Variants in UBE2H observed in about 807,000 individuals in gnomAD.
UBE2H encodes the protein ubiquitin-conjugating enzyme E2 H.
UBE2H carries 3 observed loss-of-function variants against 29.0 expected under a neutral mutation model. The ratio of observed to expected loss-of-function variants is 0.10; its 90% CI spans 0.05 to 0.27. The LOEUF is 0.27. UBE2H is among the 10% of genes least tolerant of loss of function. The pLI is 1.00. For missense variants in UBE2H, 68 were observed against 228.2 expected (o/e 0.30, Z 4.52); for synonymous variants, 69 against 82.9 (o/e 0.83, Z 0.91).
chr7:129,890,512 C>T (rs2727506), intron 1 of UBE2H, among the ~76,000 whole-genome samples: 146,294 of 152,080 alleles, frequency 0.96, 70,533 homozygotes, highest in East Asian at 1. Flanking sequence ...CCCAAGCAGC[C>T]GGGATTACAG....
At chr7:129,914,657 T>C (rs1584783248) in intron 1 of UBE2H, among the ~76,000 whole-genome samples, 1 of 152,234 alleles carries the variant, frequency 6.6e-6, no homozygotes, top group South Asian at 2.1e-4. Context: ...ACAAGGCTTA[T>C]GACAGTAAAT....
intron 1 of UBE2H, among the ~76,000 whole-genome samples, chr7:129,930,779 G>T (rs1040821208): frequency 1.3e-5 from 2 of 151,520 alleles, no homozygotes; most frequent in East Asian, 3.9e-4. Flanking sequence ...ATGGTGGTAC[G>T]CGCCTGTAGT....
chr7:129,913,121 G>A (rs1304186600), intron 1 of UBE2H, among the ~76,000 whole-genome samples: 3 of 151,828 alleles, frequency 2.0e-5, no homozygotes, highest in Admixed American at 1.3e-4. Context: ...GCACGGTGGC[G>A]GGTGCCTGTA....
intron 1 of UBE2H, among the ~76,000 whole-genome samples, chr7:129,905,089 CTGGTTTT>C (rs1806789536): frequency 6.6e-6 from 1 of 152,056 alleles, no homozygotes; most frequent in Admixed American, 6.6e-5. Flanking sequence ...AAGAGAAAAT[CTGGTTTT>C]CCACATAGCA....
intron 1 of UBE2H, among the ~76,000 whole-genome samples, chr7:129,895,209 CATTT>C (rs1418306209): frequency 3.3e-5 from 5 of 152,110 alleles, no homozygotes. Flanking sequence ...TCCCAAGTGG[CATTT>C]AGTTATGGCT....
At chr7:129,841,486 G>A (rs1456534939) in intron 5 of UBE2H, among the ~76,000 whole-genome samples, 5 of 152,150 alleles carry the variant, frequency 3.3e-5, no homozygotes, top group Non-Finnish European at 7.4e-5. Context: ...AGTGGCTACT[G>A]AGCACTCAAA....
chr7:129,945,392 T>C (rs952260544), intron 1 of UBE2H, among the ~76,000 whole-genome samples: 4 of 152,210 alleles, frequency 2.6e-5, no homozygotes, highest in South Asian at 2.1e-4. Flanking sequence ...TACAAAATTA[T>C]GCCTAAATTG....
intron 1 of UBE2H, among the ~76,000 whole-genome samples, chr7:129,888,456 C>T (rs1474137007): frequency 6.6e-6 from 1 of 151,560 alleles, no homozygotes; most frequent in African/African-American, 2.4e-5. Context: ...AGTTTGAGAC[C>T]AGCCTGGGCA....
Position 129,875,072 on chromosome 7 carries a change from C to T in UBE2H, c.205+4496G>A, listed in dbSNP as rs117148604. On this transcript the variant is annotated intron_variant, in intron 3 of 6. Transcript: ENST00000355621. Reference sequence around the variant, plus strand: ...AGAGCAAAAGACAGCAAAGTGTAGACTCAGACAATGATACAGACAGGACAG... The same window carrying T: ...AGAGCAAAAGACAGCAAAGTGTAGATTCAGACAATGATACAGACAGGACAG... Among the ~76,000 whole-genome samples the T allele has an allele frequency of 3.9e-3, 590 of 152,056 alleles. 1 individual carries two copies. The highest frequency in any genetic ancestry group is 7.0e-3 in the Non-Finnish European group (475 of 67,980).
At chr7:129,848,092 A>C (rs527311761) in intron 5 of UBE2H, among the ~76,000 whole-genome samples, 1 of 152,212 alleles carries the variant, frequency 6.6e-6, no homozygotes, top group South Asian at 2.1e-4. Context: ...CCCACAAACA[A>C]TAAGTTCCTC....
At chr7:129,836,916 T>TAAGGGCAA (rs1805341154) in intron 6 of UBE2H, among the ~76,000 whole-genome samples, 1 of 80,082 alleles carries the variant, frequency 1.2e-5, no homozygotes, top group African/African-American at 4.1e-5. Context: ...AAAAAAGGAG[T>TAAGGGCAA]AAGGGCAAAG....
chr7:129,837,232 T>G (rs1253545150), intron 6 of UBE2H, among the ~76,000 whole-genome samples: 3 of 152,150 alleles, frequency 2.0e-5, no homozygotes, highest in African/African-American at 7.2e-5. Context: ...TGGAGGGGAC[T>G]GACTGAAGCT....
chr7:129,844,141 C>T (rs1327313422), intron 5 of UBE2H, among the ~76,000 whole-genome samples: 2 of 152,146 alleles, frequency 1.3e-5, no homozygotes, highest in East Asian at 3.8e-4. Flanking sequence ...ATTTTTGATC[C>T]ATTTTACAGA....
chr7:129,932,274 C>A (rs112372099), intron 1 of UBE2H, among the ~76,000 whole-genome samples: 27,503 of 150,496 alleles, frequency 0.18, 2,759 homozygotes, highest in African/African-American at 0.26. Flanking sequence ...CAGGCGCCCG[C>A]CACCACGCCC....
intron 1 of UBE2H, among the ~76,000 whole-genome samples, chr7:129,912,431 G>A (rs933415343): frequency 6.6e-6 from 1 of 151,812 alleles, no homozygotes. Flanking sequence ...TGTCCAGGCT[G>A]GTCTCAAACT....
intron 6 of UBE2H, among the ~76,000 whole-genome samples, chr7:129,837,937 A>C (rs1225913457): frequency 6.6e-6 from 1 of 152,236 alleles, no homozygotes; most frequent in Non-Finnish European, 1.5e-5. Flanking sequence ...ACATGTACTG[A>C]AACAGGGCTA....
At chr7:129,906,166 T>G (rs943922286) in intron 1 of UBE2H, among the ~76,000 whole-genome samples, 1 of 151,562 alleles carries the variant, frequency 6.6e-6, no homozygotes, top group Non-Finnish European at 1.5e-5. Context: ...TACCAAGAGA[T>G]AAGGATGAAC....
chr7:129,869,969 T>C (rs1428056329), intron 3 of UBE2H, among the ~76,000 whole-genome samples: 1 of 152,208 alleles, frequency 6.6e-6, no homozygotes, highest in Non-Finnish European at 1.5e-5. Context: ...CCTGCAAATC[T>C]ACTTTCTTTC....
intron 1 of UBE2H, among the ~76,000 whole-genome samples, chr7:129,913,139 C>G (rs1005483430): frequency 6.6e-6 from 1 of 151,530 alleles, no homozygotes; most frequent in Admixed American, 6.6e-5. Context: ...GTAATCCCAG[C>G]TACTCGGGAG....
Sources: allele counts gnomAD v4.1 joint callset (sites outside exome capture counted in the v4.1 genomes callset), GRCh38; gene constraint gnomAD v4.1.1; transcripts MANE v1.5; gene names NCBI Gene and HGNC (gene_info 2026-07-23, HGNC 2026-07-21).